Variants in LHFPL6 observed in about 807,000 individuals in gnomAD.
The protein encoded by LHFPL6 is LHFPL tetraspan subfamily member 6.
Under a neutral mutation model 20.6 loss-of-function variants are expected in LHFPL6, and 9 were observed. The observed-to-expected ratio is 0.44, with a 90% CI of 0.26 to 0.76. LHFPL6 has a LOEUF of 0.76. Ranked by LOEUF, LHFPL6 falls within the 30% of genes least tolerant of loss-of-function variation. The probability of loss-of-function intolerance (pLI) is 0.20; values close to 1 mark genes in which losing one functional copy is unlikely to be tolerated. For synonymous variants in LHFPL6, 105 were observed against 98.7 expected (o/e 1.06, Z -0.38); for missense variants, 218 against 253.5 (o/e 0.86, Z 0.95).
At chr13:39,362,683 A>C (rs897965748) in intron 3 of LHFPL6, among the ~76,000 whole-genome samples, 1 of 152,232 alleles carries the variant, frequency 6.6e-6, no homozygotes, top group African/African-American at 2.4e-5. Flanking sequence ...TCTGTTAAGC[A>C]CAGCACACGG....
chr13:39,498,352 G>A (rs142058860), intron 2 of LHFPL6, among the ~76,000 whole-genome samples: 10 of 152,264 alleles, frequency 6.6e-5, no homozygotes, highest in Non-Finnish European at 1.2e-4. Flanking sequence ...CTCTGTAGAG[G>A]GTTGTGCTAA....
intron 2 of LHFPL6, among the ~76,000 whole-genome samples, chr13:39,583,090 T>C (rs892257804): frequency 3.3e-5 from 5 of 151,818 alleles, no homozygotes; most frequent in Admixed American, 3.3e-4. Flanking sequence ...AGAAGAAAGA[T>C]ATTATACACC....
chr13:39,451,770 T>C (rs1301685560), intron 2 of LHFPL6, among the ~76,000 whole-genome samples: 3 of 152,242 alleles, frequency 2.0e-5, no homozygotes, highest in African/African-American at 7.2e-5. Flanking sequence ...CTGGTCTTTT[T>C]TAAAGCATTA....
At chr13:39,596,986 C>T (rs577227039) in intron 2 of LHFPL6, among the ~76,000 whole-genome samples, 2 of 152,268 alleles carry the variant, frequency 1.3e-5, no homozygotes, top group African/African-American at 4.8e-5. Context: ...AAGGCAATGA[C>T]GCTTTCATAA....
intron 2 of LHFPL6, among the ~76,000 whole-genome samples, chr13:39,431,750 C>T (rs974775812): frequency 6.8e-6 from 1 of 147,042 alleles, no homozygotes. Flanking sequence ...TATTCCACAT[C>T]AAATTTGTCA....
At chr13:39,574,944 G>T (rs759830077) in intron 2 of LHFPL6, among the ~76,000 whole-genome samples, 1 of 152,064 alleles carries the variant, frequency 6.6e-6, no homozygotes, top group East Asian at 1.9e-4. Flanking sequence ...GGTGGTGCAC[G>T]CCGGTAATCC....
chr13:39,370,097 G>A (rs572500960), intron 3 of LHFPL6, among the ~76,000 whole-genome samples: 1 of 152,300 alleles, frequency 6.6e-6, no homozygotes, highest in African/African-American at 2.4e-5. Flanking sequence ...TTCATCTGAT[G>A]GAAAGAGGCC....
intron 3 of LHFPL6, among the ~76,000 whole-genome samples, chr13:39,375,689 C>CAAA (rs59712573): frequency 7.7e-6 from 1 of 129,656 alleles, no homozygotes; most frequent in African/African-American, 3.0e-5. Flanking sequence ...GTCTTTGTCT[C>CAAA]AAAAAAAAAA....
chr13:39,571,340 A>G (rs116787654), intron 2 of LHFPL6, among the ~76,000 whole-genome samples: 2 of 151,870 alleles, frequency 1.3e-5, no homozygotes, highest in African/African-American at 2.4e-5. Context: ...ACATATCCCT[A>G]CCCTTTCCTA....
chr13:39,378,523 A>C lies in LHFPL6; in HGVS notation c.389T>G (p.Leu130Trp), dbSNP rs1319861013. 6.2e-7 allele frequency: 1 copy of C among 1,613,066 alleles called. No homozygotes were observed. The highest frequency in any genetic ancestry group is 8.5e-7 in the Non-Finnish European group (1 of 1,179,164). ...VAGGIQFLGG[L>W]LIGAGCALYP... ...GAGGGCACAGCCAGCACCAATCAACAAGCCTGCAAAGAGATAAGACAAGAG... is the reference window on the plus strand; with the variant it reads ...GAGGGCACAGCCAGCACCAATCAACCAGCCTGCAAAGAGATAAGACAAGAG... The change falls in exon 3 of 4, where the codon TTG becomes TGG. Residue 130 changes from leucine to tryptophan, a missense_variant. Physicochemically the swap from Leu to Trp is moderately conservative, Grantham distance 61 (BLOSUM62 -2). Transcript: ENST00000379589.
At chr13:39,368,634 T>A (rs1870072301) in intron 3 of LHFPL6, among the ~76,000 whole-genome samples, 1 of 152,112 alleles carries the variant, frequency 6.6e-6, no homozygotes, top group South Asian at 2.1e-4. Context: ...AAAAAAGGAC[T>A]GAAGATTGTT....
intron 3 of LHFPL6, among the ~76,000 whole-genome samples, chr13:39,366,376 T>C (rs563386982): frequency 5.3e-5 from 8 of 152,326 alleles, no homozygotes; most frequent in Admixed American, 1.3e-4. Context: ...ATTTTGATCA[T>C]TGCTGTGCTA....
At chr13:39,492,601 T>G (rs1451555984) in intron 2 of LHFPL6, among the ~76,000 whole-genome samples, 7 of 152,138 alleles carry the variant, frequency 4.6e-5, no homozygotes, top group Non-Finnish European at 8.8e-5. Context: ...ATAATATACA[T>G]ATTTTTTCCA....
At chr13:39,472,535 T>A (rs1195965116) in intron 2 of LHFPL6, among the ~76,000 whole-genome samples, 1 of 152,162 alleles carries the variant, frequency 6.6e-6, no homozygotes, top group Non-Finnish European at 1.5e-5. Context: ...ATGCCCGGGT[T>A]CAGCTGTGAG....
chr13:39,412,484 A>G (rs972535719), intron 2 of LHFPL6, among the ~76,000 whole-genome samples: 1 of 152,240 alleles, frequency 6.6e-6, no homozygotes, highest in Admixed American at 6.5e-5. Context: ...GCAGCTAGCA[A>G]TTCTTGAGAA....
At chr13:39,411,696 G>C (rs1475172887) in intron 2 of LHFPL6, among the ~76,000 whole-genome samples, 2 of 152,196 alleles carry the variant, frequency 1.3e-5, no homozygotes, top group African/African-American at 2.4e-5. Context: ...TATCTGTGTG[G>C]GAATGTTATG....
intron 2 of LHFPL6, among the ~76,000 whole-genome samples, chr13:39,594,963 A>G (rs1056259541): frequency 1.3e-5 from 2 of 151,872 alleles, no homozygotes; most frequent in Non-Finnish European, 2.9e-5. Flanking sequence ...ACCGGGGCCT[A>G]TTGTGGGGTG....
chr13:39,534,957 A>C (rs1280195221), intron 2 of LHFPL6, among the ~76,000 whole-genome samples: 3 of 152,196 alleles, frequency 2.0e-5, no homozygotes, highest in Non-Finnish European at 4.4e-5. Flanking sequence ...GGAGGCTAGA[A>C]GTCTGAAATC....
chr13:39,401,134 A>C (rs1201722411), intron 2 of LHFPL6, among the ~76,000 whole-genome samples: 2 of 152,216 alleles, frequency 1.3e-5, no homozygotes, highest in Non-Finnish European at 2.9e-5. Context: ...CACACTGAGT[A>C]GTCTAAGTTC....
Sources: allele counts gnomAD v4.1 joint callset (sites outside exome capture counted in the v4.1 genomes callset), GRCh38; gene constraint gnomAD v4.1.1; transcripts MANE v1.5; gene names NCBI Gene and HGNC (gene_info 2026-07-23, HGNC 2026-07-21).